Variants in ATRN observed in about 807,000 individuals in gnomAD.
ATRN encodes the protein attractin-2.
Under a neutral mutation model 178.7 loss-of-function variants are expected in ATRN, and 54 were observed. That is an observed-to-expected ratio of 0.30 (90% CI 0.24 to 0.38). The LOEUF (loss-of-function observed/expected upper bound fraction) is 0.38. ATRN is among the 10% of genes least tolerant of loss of function. The probability of loss-of-function intolerance (pLI) is 1.00; values close to 1 mark genes in which losing one functional copy is unlikely to be tolerated. For missense variants in ATRN, 1,443 were observed against 1,815.1 expected, an observed-to-expected ratio of 0.79 and a Z score of 3.73; for synonymous variants, 636 against 663.0, an observed-to-expected ratio of 0.96 and a Z score of 0.63.
chr20:3,545,798 T>C lies in ATRN; in HGVS notation c.645T>C (p.Thr215=), dbSNP rs1342480545. The C allele has an allele frequency of 6.2e-7, 1 of 1,614,146 alleles. No individual in the cohort carries two copies. The highest frequency in any genetic ancestry group is 1.1e-5 in the South Asian group (1 of 91,078). ...LIVPERDGNE[T]VPEVVATSGY... is the part of the protein sequence containing the mutation. Reference sequence around the variant, plus strand: ...TTCCTGAGAGAGATGGCAATGAGACTGTCCCTGAGGTTGTTGCCACATCAG... The same window carrying C: ...TTCCTGAGAGAGATGGCAATGAGACCGTCCCTGAGGTTGTTGCCACATCAG... The change falls in exon 4 of 29, where the codon ACT becomes ACC. Residue 215 remains threonine (T), a synonymous_variant. Transcript: ENST00000262919.
In ATRN at chr20:3,602,963, C is replaced by CAAAAAAAA. The variant is rs3842439; in HGVS notation, c.3644-1117_3644-1110dup. On this transcript the variant is annotated intron_variant, in intron 23 of 28. Coordinates refer to ENST00000262919, the MANE Select transcript of ATRN (RefSeq NM_139321.3). ...GGGCAACAAAAGCGAAATTCCATCT[C>CAAAAAAAA]AAAAAAAAAAAAAAAAAAAAAAAAA... 1.1e-3 allele frequency among the ~76,000 whole-genome samples: 43 copies of CAAAAAAAA among 40,874 alleles called. 1 individual carries two copies. Among genetic ancestry groups the CAAAAAAAA allele is most frequent in the African/African-American group, 2.5e-3 (23 of 9,084 alleles). 26.8% of individuals were successfully genotyped at this position (40,874 alleles called of 152,430 possible).
intron 1 of ATRN, among the ~76,000 whole-genome samples, chr20:3,531,062 G>C (rs1346545448): frequency 6.6e-6 from 1 of 152,140 alleles, no homozygotes; most frequent in East Asian, 1.9e-4. Context: ...TAGTGTACAG[G>C]TGTTGCCCAT....
intron 1 of ATRN, among the ~76,000 whole-genome samples, chr20:3,509,026 A>T (rs943022958): frequency 6.6e-6 from 1 of 152,226 alleles, no homozygotes; most frequent in Non-Finnish European, 1.5e-5. Flanking sequence ...TATAAAGAAA[A>T]AAATGGAATA....
chr20:3,628,191 A>G (rs988990463), intron 25 of ATRN, among the ~76,000 whole-genome samples: 1 of 152,192 alleles, frequency 6.6e-6, no homozygotes, highest in African/African-American at 2.4e-5. Flanking sequence ...AAAGGAGAAT[A>G]CTGTGATCAT....
chr20:3,610,761 T>C (rs1451865017), intron 24 of ATRN, among the ~76,000 whole-genome samples: 1 of 138,584 alleles, frequency 7.2e-6, no homozygotes, highest in Non-Finnish European at 1.6e-5. Context: ...TTTTTTTTTT[T>C]TTTTTTGGTA....
intron 1 of ATRN, among the ~76,000 whole-genome samples, chr20:3,509,293 A>G (rs1256747016): frequency 2.0e-5 from 3 of 152,182 alleles, no homozygotes; most frequent in Non-Finnish European, 2.9e-5. Context: ...AGAAAAAGGT[A>G]TATCACACTC....
chr20:3,639,696 G>A (rs2087053045), intron 27 of ATRN, among the ~76,000 whole-genome samples: 1 of 152,052 alleles, frequency 6.6e-6, no homozygotes, highest in Non-Finnish European at 1.5e-5. Context: ...CAAAATGATG[G>A]AATATTTAAG....
At chr20:3,558,339 G>C (rs746315459) in intron 6 of ATRN, among the ~76,000 whole-genome samples, 12 of 151,710 alleles carry the variant, frequency 7.9e-5, no homozygotes, top group Admixed American at 2.0e-4. Context: ...TTATCTATCT[G>C]GATATATTAC....
At chr20:3,502,390 G>C (rs1171488748) in intron 1 of ATRN, among the ~76,000 whole-genome samples, 2 of 152,118 alleles carry the variant, frequency 1.3e-5, no homozygotes, top group African/African-American at 4.8e-5. Flanking sequence ...AGAAGAAAGT[G>C]AACTGACTTG....
chr20:3,635,452 C>A (rs1449550228), intron 26 of ATRN, among the ~76,000 whole-genome samples: 1 of 152,092 alleles, frequency 6.6e-6, no homozygotes, highest in Non-Finnish European at 1.5e-5. Flanking sequence ...TGTATTGCAA[C>A]TTTCACTTGC....
At chr20:3,484,382 C>CT (rs2146075613) in intron 1 of ATRN, among the ~76,000 whole-genome samples, 2 of 152,020 alleles carry the variant, frequency 1.3e-5, no homozygotes, top group East Asian at 3.9e-4. Context: ...ATATACTCTT[C>CT]TATATTTTAC....
chr20:3,547,188 G>A (rs1310937586), intron 4 of ATRN, 96 bp from the exon 5 acceptor site: 35 of 980,200 alleles, frequency 3.6e-5, no homozygotes, highest in East Asian at 2.1e-4. Flanking sequence ...AATGAACTGA[G>A]ACAGTGAGAT....
intron 1 of ATRN, among the ~76,000 whole-genome samples, chr20:3,492,663 T>G (rs2084811302): frequency 6.6e-6 from 1 of 152,120 alleles, no homozygotes; most frequent in African/African-American, 2.4e-5. Context: ...AGGAAGAAAC[T>G]AACAAAACTC....
chr20:3,572,578 A>T (rs749299038), intron 11 of ATRN, among the ~76,000 whole-genome samples, 153 bp from the exon 12 acceptor site: 3 of 151,664 alleles, frequency 2.0e-5, no homozygotes, highest in Admixed American at 1.3e-4. Flanking sequence ...GCTACTCAGG[A>T]GGCTGAGGCG....
intron 6 of ATRN, among the ~76,000 whole-genome samples, chr20:3,553,809 C>T (rs534916814): frequency 2.0e-5 from 3 of 152,314 alleles, no homozygotes; most frequent in East Asian, 1.9e-4. Flanking sequence ...GTGTGGTTTT[C>T]CCAGAGAGAT....
chr20:3,511,669 A>C (rs929886421), intron 1 of ATRN, among the ~76,000 whole-genome samples: 2 of 152,214 alleles, frequency 1.3e-5, no homozygotes, highest in Non-Finnish European at 2.9e-5. Flanking sequence ...TAGATACAAA[A>C]TACTAATATG....
chr20:3,629,110 C>T (rs2086969700), intron 25 of ATRN: 2 of 985,242 alleles, frequency 2.0e-6, no homozygotes, highest in Non-Finnish European at 2.4e-6. Flanking sequence ...AGAGCTGTGG[C>T]CGTCAGTGCA....
intron 24 of ATRN, among the ~76,000 whole-genome samples, chr20:3,615,430 CAA>C (rs879747604): frequency 2.8e-5 from 3 of 108,052 alleles, no homozygotes; most frequent in African/African-American, 3.5e-5. Flanking sequence ...CTCCTGTCTC[CAA>C]AAAAAAAAAA....
At chr20:3,642,825 TG>T (rs1363963125) in intron 27 of ATRN, among the ~76,000 whole-genome samples, 1 of 152,180 alleles carries the variant, frequency 6.6e-6, no homozygotes, top group Non-Finnish European at 1.5e-5. Flanking sequence ...ATTTTGCAGA[TG>T]TAATGAAACA....
Sources: allele counts gnomAD v4.1 joint callset (sites outside exome capture counted in the v4.1 genomes callset), GRCh38; gene constraint gnomAD v4.1.1; transcripts MANE v1.5; gene names NCBI Gene and HGNC (gene_info 2026-07-23, HGNC 2026-07-21).